Variants in TCF12 observed in about 807,000 individuals in gnomAD.
TCF12 encodes DNA-binding protein HTF4.
TCF12 carries 45 observed loss-of-function variants against 86.0 expected under a neutral mutation model. The observed-to-expected ratio is 0.52, with a 90% CI of 0.41 to 0.67. The LOEUF (loss-of-function observed/expected upper bound fraction) is 0.67, where lower values mean the gene tolerates loss of function less well. Ranked by LOEUF, TCF12 falls within the 30% of genes least tolerant of loss-of-function variation. The probability of loss-of-function intolerance (pLI) is 0.00; values close to 1 mark genes in which losing one functional copy is unlikely to be tolerated. For synonymous variants in TCF12, 330 were observed against 299.6 expected, an observed-to-expected ratio of 1.10 and a Z score of -1.05; for missense variants, 881 against 859.9, an observed-to-expected ratio of 1.02 and a Z score of -0.31.
Position 57,117,010 on chromosome 15 carries a change from G to A in TCF12, c.325+25119G>A, listed in dbSNP as rs368137698. Among the ~76,000 whole-genome samples, 10 of 152,056 alleles carry A rather than the reference G, an allele frequency of 6.6e-5. No individual in the cohort carries two copies. The East Asian group carries it at 7.7e-4, about 12-fold the overall frequency. On this transcript the variant is annotated intron_variant, in intron 5 of 20. Coordinates refer to ENST00000333725, the MANE Select transcript of TCF12 (RefSeq NM_207037.2). ...GTGTCACTGCTAACCATGTCATGTA[G>A]GTTTGTTCTTTTAATGACACTTTTG...
At chr15:57,196,510 C>T (rs1162657639) in intron 7 of TCF12, among the ~76,000 whole-genome samples, 3 of 152,186 alleles carry the variant, frequency 2.0e-5, no homozygotes, top group African/African-American at 7.2e-5. Context: ...TTTACATCAG[C>T]TTCCTCATGT....
intron 3 of TCF12, among the ~76,000 whole-genome samples, chr15:57,007,566 C>T (rs1156621015): frequency 6.6e-6 from 1 of 152,146 alleles, no homozygotes; most frequent in Non-Finnish European, 1.5e-5. Flanking sequence ...AGTCACTTTA[C>T]CTTTTTGGTC....
intron 12 of TCF12, among the ~76,000 whole-genome samples, chr15:57,236,265 C>T (rs1285917945): frequency 6.6e-6 from 1 of 152,214 alleles, no homozygotes; most frequent in Non-Finnish European, 1.5e-5. Context: ...ACTTTCCTTA[C>T]AGACTCGCAT....
chr15:57,285,574 A>T (rs1316408102), intron 20 of TCF12, among the ~76,000 whole-genome samples: 1 of 152,196 alleles, frequency 6.6e-6, no homozygotes, highest in Non-Finnish European at 1.5e-5. Flanking sequence ...GTAAACTATT[A>T]ACACTGTGGT....
At chr15:57,262,027 A>G (rs2060610417) in intron 16 of TCF12, 67 bp from the exon 17 acceptor site, 1 of 1,055,612 alleles carries the variant, frequency 9.5e-7, no homozygotes, top group Admixed American at 2.4e-5. Flanking sequence ...TAGTAAAATA[A>G]TTTGGACAGT....
At chr15:57,245,700 C>T (rs2059826447) in intron 13 of TCF12, among the ~76,000 whole-genome samples, 1 of 152,148 alleles carries the variant, frequency 6.6e-6, no homozygotes. Context: ...TCTTACATTT[C>T]CTCCTTCATC....
chr15:57,094,604 T>G (rs1316573269), intron 5 of TCF12, among the ~76,000 whole-genome samples: 1 of 152,196 alleles, frequency 6.6e-6, no homozygotes, highest in Non-Finnish European at 1.5e-5. Context: ...ACCTAAATTA[T>G]TAAAGCTCTG....
chr15:57,242,650 AGAGT>A (rs1217874014), intron 12 of TCF12, among the ~76,000 whole-genome samples: 3 of 152,348 alleles, frequency 2.0e-5, no homozygotes, highest in African/African-American at 7.2e-5. Context: ...CCTGGGTGAC[AGAGT>A]GAGACTTCAT....
intron 3 of TCF12, among the ~76,000 whole-genome samples, chr15:57,026,674 T>G (rs2065842703): frequency 6.6e-6 from 1 of 152,216 alleles, no homozygotes; most frequent in African/African-American, 2.4e-5. Context: ...TATTTCATTT[T>G]ATATATTTTA....
chr15:57,231,319 T>C (rs2059129593), intron 9 of TCF12, 62 bp downstream of exon 9: 5 of 1,282,338 alleles, frequency 3.9e-6, no homozygotes, highest in Non-Finnish European at 4.5e-6. Context: ...GCCAGTATTT[T>C]AAAGTATTAG....
intron 3 of TCF12, among the ~76,000 whole-genome samples, chr15:56,979,763 A>G (rs905596538): frequency 4.6e-5 from 7 of 152,164 alleles, no homozygotes; most frequent in Admixed American, 2.6e-4. Flanking sequence ...TTGTGCATCA[A>G]AGTTCTTAGC....
At chr15:57,197,548 A>G (rs1306425761) in intron 7 of TCF12, among the ~76,000 whole-genome samples, 2 of 152,132 alleles carry the variant, frequency 1.3e-5, no homozygotes, top group Non-Finnish European at 2.9e-5. Flanking sequence ...CATCTTCCCA[A>G]ATTTATGGGA....
chr15:57,040,851 T>C (rs11071303), intron 3 of TCF12, among the ~76,000 whole-genome samples: 36,470 of 152,094 alleles, frequency 0.24, 5,062 homozygotes, highest in East Asian at 0.4. Context: ...TATTTGTGAT[T>C]ATATAGTTGG....
At chr15:56,989,094 G>A (rs1486601610) in intron 3 of TCF12, among the ~76,000 whole-genome samples, 1 of 151,992 alleles carries the variant, frequency 6.6e-6, no homozygotes, top group Non-Finnish European at 1.5e-5. Context: ...TTTTGATGTT[G>A]ATTTCCTAGC....
At chr15:56,989,129 T>TATA (rs2063328213) in intron 3 of TCF12, among the ~76,000 whole-genome samples, 1 of 152,186 alleles carries the variant, frequency 6.6e-6, no homozygotes, top group Non-Finnish European at 1.5e-5. Flanking sequence ...ATATTACATA[T>TATA]TATGCATATT....
chr15:57,257,633 C>T (rs1489370045), intron 16 of TCF12, among the ~76,000 whole-genome samples: 3 of 147,708 alleles, frequency 2.0e-5, no homozygotes, highest in Non-Finnish European at 4.4e-5. Flanking sequence ...TGCAGTTGAG[C>T]CTGGACAACA....
intron 3 of TCF12, among the ~76,000 whole-genome samples, chr15:56,925,489 A>T (rs1002596236): frequency 6.6e-6 from 1 of 152,190 alleles, no homozygotes; most frequent in African/African-American, 2.4e-5. Flanking sequence ...AAGATATCCA[A>T]CCTTGACTAT....
intron 6 of TCF12, among the ~76,000 whole-genome samples, chr15:57,168,697 G>A (rs2055080955): frequency 6.6e-6 from 1 of 152,054 alleles, no homozygotes; most frequent in Non-Finnish European, 1.5e-5. Context: ...AGTTTTGTAG[G>A]CCACCTAACC....
At chr15:57,115,217 T>C (rs1477300265) in intron 5 of TCF12, among the ~76,000 whole-genome samples, 1 of 152,214 alleles carries the variant, frequency 6.6e-6, no homozygotes, top group African/African-American at 2.4e-5. Context: ...TCAAAAATTA[T>C]AGTTTAGTTC....
Sources: gnomAD v4.1 joint callset for allele counts (sites outside exome capture counted in the v4.1 genomes callset) on GRCh38, gnomAD v4.1.1 for gene constraint, MANE v1.5 for transcripts, NCBI Gene and HGNC (gene_info 2026-07-23, HGNC 2026-07-21) for gene names.